ST6GALNAC5: variants seen among roughly 807,000 people sequenced by gnomAD.
ST6GALNAC5 encodes alpha-N-acetylgalactosaminide alpha-2,6-sialyltransferase 5.
A neutral mutation model predicts 33.6 loss-of-function variants in ST6GALNAC5; 27 were observed. That is an observed-to-expected ratio of 0.80 (90% CI 0.59 to 1.11). The LOEUF is 1.11. ST6GALNAC5 is among the 50% of genes least tolerant of loss of function. The pLI is 0.00. For synonymous variants in ST6GALNAC5, 194 were observed against 171.2 expected, an observed-to-expected ratio of 1.13 and a Z score of -1.04; for missense variants, 428 against 454.0, an observed-to-expected ratio of 0.94 and a Z score of 0.52.
chr1:76,916,127 G>T (rs995342365), intron 2 of ST6GALNAC5, among the ~76,000 whole-genome samples: 2 of 152,034 alleles, frequency 1.3e-5, no homozygotes, highest in Non-Finnish European at 2.9e-5. Flanking sequence ...ACCAAGAAGG[G>T]TATCCAAATT....
At chr1:77,032,643 A>G (rs1651500570) in intron 2 of ST6GALNAC5, among the ~76,000 whole-genome samples, 1 of 152,114 alleles carries the variant, frequency 6.6e-6, no homozygotes, top group East Asian at 1.9e-4. Flanking sequence ...TGAGACTGAG[A>G]GTAGGGAAGT....
chr1:76,968,783 C>T (rs1485496056), intron 2 of ST6GALNAC5, among the ~76,000 whole-genome samples: 1 of 152,150 alleles, frequency 6.6e-6, no homozygotes, highest in Admixed American at 6.5e-5. Context: ...CTGGTGGTGA[C>T]AAAATCTCTC....
intron 2 of ST6GALNAC5, among the ~76,000 whole-genome samples, chr1:76,978,927 A>C (rs1206326861): frequency 1.3e-5 from 2 of 152,362 alleles, no homozygotes; most frequent in Non-Finnish European, 2.9e-5. Context: ...AATTTAGTAA[A>C]TTTACAGAAT....
chr1:76,894,302 T>TG (rs1272176347), intron 2 of ST6GALNAC5, among the ~76,000 whole-genome samples: 1 of 152,198 alleles, frequency 6.6e-6, no homozygotes, highest in African/African-American at 2.4e-5. Flanking sequence ...GACCTTGTGT[T>TG]GACCCAGATA....
chr1:76,996,223 TC>T (rs1649933399), intron 2 of ST6GALNAC5, among the ~76,000 whole-genome samples: 1 of 152,154 alleles, frequency 6.6e-6, no homozygotes, highest in Non-Finnish European at 1.5e-5. Context: ...CAGTTGGAGT[TC>T]CCCATCCCCA....
intron 2 of ST6GALNAC5, among the ~76,000 whole-genome samples, chr1:76,872,434 A>G (rs1490500044): frequency 6.6e-6 from 1 of 152,136 alleles, no homozygotes; most frequent in Non-Finnish European, 1.5e-5. Context: ...GATGGATTTT[A>G]CACATACCAA....
chr1:76,992,731 G>T (rs1490074496), intron 2 of ST6GALNAC5, among the ~76,000 whole-genome samples: 1 of 152,140 alleles, frequency 6.6e-6, no homozygotes, highest in Non-Finnish European at 1.5e-5. Context: ...CTGAGCTCAA[G>T]TTATCTGCCC....
chr1:76,876,255 C>T (rs886724117), intron 2 of ST6GALNAC5, among the ~76,000 whole-genome samples: 1 of 152,170 alleles, frequency 6.6e-6, no homozygotes, highest in Non-Finnish European at 1.5e-5. Context: ...GTCTCTGCTG[C>T]TGTCAAGTTG....
At position 76,970,502 on chromosome 1, in the gene ST6GALNAC5, G is replaced by A. The variant is rs556290932; in HGVS notation, c.262-73702G>A. Among the ~76,000 whole-genome samples the A allele has an allele frequency of 1.5e-4, 23 of 152,020 alleles. No individual in the cohort carries two copies. The East Asian group carries it at 3.7e-3, about 24-fold the overall frequency. Reference sequence around the variant, plus strand: ...GAAATAAAGCGAGAAGAGAAGTTTAGAGAAAAAAAGAGTAAAAAGAAATGA... The same window carrying A: ...GAAATAAAGCGAGAAGAGAAGTTTAAAGAAAAAAAGAGTAAAAAGAAATGA... On this transcript the variant is annotated intron_variant, in intron 2 of 4. Transcript: ENST00000477717.
chr1:76,875,584 G>C (rs532636180), intron 2 of ST6GALNAC5, among the ~76,000 whole-genome samples: 1 of 152,222 alleles, frequency 6.6e-6, no homozygotes, highest in Admixed American at 6.5e-5. Flanking sequence ...TGTGTCTCCA[G>C]ATGGCAGCGT....
chr1:77,061,230 AC>A (rs1652564715), intron 4 of ST6GALNAC5, among the ~76,000 whole-genome samples: 1 of 152,206 alleles, frequency 6.6e-6, no homozygotes, highest in African/African-American at 2.4e-5. Flanking sequence ...TAGCATCCAA[AC>A]CAGGATAAGG....
intron 2 of ST6GALNAC5, among the ~76,000 whole-genome samples, chr1:76,925,109 G>C (rs950413054): frequency 6.6e-6 from 1 of 151,842 alleles, no homozygotes; most frequent in Non-Finnish European, 1.5e-5. Flanking sequence ...GTGAGGGAGG[G>C]GGAAGGTGCT....
intron 2 of ST6GALNAC5, among the ~76,000 whole-genome samples, chr1:76,990,041 A>T (rs1008029170): frequency 9.9e-5 from 15 of 152,182 alleles, no homozygotes; most frequent in Non-Finnish European, 1.6e-4. Context: ...TAGGATAAAT[A>T]CTTAAAAGTA....
rs12083720 is a variant in ST6GALNAC5 at position 76,900,550 on chromosome 1, A to G, written c.261+31808A>G. On this transcript the variant is annotated intron_variant, in intron 2 of 4. Coordinates refer to ENST00000477717, the MANE Select transcript of ST6GALNAC5 (RefSeq NM_030965.3). ...TAAAATGTTTATCAAGTCTGCCAAA[A>G]AGAGAGCCAATTATTTTGGTTTCTC... 3.4e-3 allele frequency among the ~76,000 whole-genome samples: 515 copies of G among 152,354 alleles called. 4 individuals are homozygous for G. Among genetic ancestry groups the G allele is most frequent in the African/African-American group, 0.011 (477 of 41,588 alleles).
At chr1:77,044,969 T>C (rs1651960524) in intron 3 of ST6GALNAC5, among the ~76,000 whole-genome samples, 1 of 152,250 alleles carries the variant, frequency 6.6e-6, no homozygotes, top group Non-Finnish European at 1.5e-5. Flanking sequence ...GTTTATTTTT[T>C]CCCATTCAAA....
chr1:77,063,294 G>T lies in ST6GALNAC5; in HGVS notation c.*88G>T. 3 of 1,259,600 alleles carry T rather than the reference G, an allele frequency of 2.4e-6. No individual in the cohort carries two copies. The highest frequency in any genetic ancestry group is 3.4e-6 in the Non-Finnish European group (3 of 888,218). The allele number at this position is 1,259,600 out of a possible 1,614,324, so 78.0% of individuals were successfully genotyped here. A position where few individuals can be genotyped will look rare whatever the true frequency, so the allele number is the denominator to read the frequency against. ...TTCCTGAGCCACCAGACAGGAAAGG[G>T]TAGCAGAAAACAGCTTCACTCCTCA... On this transcript the variant is annotated 3_prime_UTR_variant, in exon 5 of 5. Transcript: ENST00000477717.
intron 2 of ST6GALNAC5, among the ~76,000 whole-genome samples, chr1:77,017,315 TGACA>T (rs1218937465): frequency 2.0e-5 from 3 of 152,286 alleles, no homozygotes; most frequent in Non-Finnish European, 4.4e-5. Context: ...GATATTAAGA[TGACA>T]GACAGTCTTA....
intron 2 of ST6GALNAC5, among the ~76,000 whole-genome samples, chr1:76,964,092 C>A (rs866658434): frequency 2.0e-5 from 3 of 152,148 alleles, no homozygotes; most frequent in Middle Eastern, 3.2e-3. Context: ...GCCCTGCCAA[C>A]ACTTTGATCT....
intron 2 of ST6GALNAC5, among the ~76,000 whole-genome samples, chr1:77,039,505 A>G (rs956316281): frequency 2.0e-5 from 3 of 152,248 alleles, no homozygotes; most frequent in Non-Finnish European, 4.4e-5. Context: ...TGGGGTTTAC[A>G]GCCAAATAAT....
Sources: gnomAD v4.1 joint callset for allele counts (sites outside exome capture counted in the v4.1 genomes callset) on GRCh38, gnomAD v4.1.1 for gene constraint, MANE v1.5 for transcripts, NCBI Gene and HGNC (gene_info 2026-07-23, HGNC 2026-07-21) for gene names.